Variants in GLIS1 observed in about 807,000 individuals in gnomAD.
The protein encoded by GLIS1 is zinc finger protein GLIS1.
A neutral mutation model predicts 63.8 loss-of-function variants in GLIS1; 24 were observed. The observed-to-expected ratio is 0.38, with a 90% confidence interval of 0.27 to 0.53. The LOEUF (loss-of-function observed/expected upper bound fraction) is 0.53. Among genes scored for constraint, GLIS1 ranks in the 20% least tolerant of loss-of-function variants. The pLI is 0.85. For synonymous variants in GLIS1, 450 were observed against 482.5 expected, an observed-to-expected ratio of 0.93 and a Z score of 0.88; for missense variants, 1,036 against 1,074.1, an observed-to-expected ratio of 0.96 and a Z score of 0.50.
At chr1:53,524,338 T>C (rs916840274) in intron 6 of GLIS1, among the ~76,000 whole-genome samples, 1 of 152,236 alleles carries the variant, frequency 6.6e-6, no homozygotes, top group African/African-American at 2.4e-5. Context: ...TGCCCTGACT[T>C]TTCTCTGCAC....
intron 2 of GLIS1, among the ~76,000 whole-genome samples, chr1:53,706,989 T>G (rs1349775189): frequency 6.6e-6 from 1 of 152,176 alleles, no homozygotes; most frequent in Non-Finnish European, 1.5e-5. Context: ...AAAACCTAGA[T>G]TTCTCCTATG....
chr1:53,526,640 C>T lies in GLIS1; in HGVS notation c.1483-1753G>A, dbSNP rs1057254905. ...GCGTTCACATGTGCCCAGGCACACA[C>T]ACGGCCCTGCCCTGTCCCTGAGCCG... On this transcript the variant is annotated intron_variant, in intron 5 of 10. Coordinates refer to ENST00000628545, the MANE Select transcript of GLIS1 (RefSeq NM_001367484.1). This position sits in a 1 kb window ranked among gnomAD's most constrained non-coding sequence, Gnocchi z 4.4. Among the ~76,000 whole-genome samples the T allele has an allele frequency of 7.9e-5, 12 of 152,268 alleles. No individual in the cohort carries two copies. The highest frequency in any genetic ancestry group is 4.4e-5 in the Non-Finnish European group (3 of 68,050).
At chr1:53,705,260 T>C (rs1646566871) in intron 2 of GLIS1, among the ~76,000 whole-genome samples, 1 of 152,154 alleles carries the variant, frequency 6.6e-6, no homozygotes, top group African/African-American at 2.4e-5. Flanking sequence ...GGGTACCTCC[T>C]GGCGAGCGGC....
intron 2 of GLIS1, among the ~76,000 whole-genome samples, chr1:53,695,684 A>G (rs1334899603): frequency 2.6e-5 from 4 of 152,196 alleles, no homozygotes; most frequent in Non-Finnish European, 4.4e-5. Context: ...AAGAGCTTGG[A>G]GCCCAGAGCC....
At chr1:53,578,354 A>T (rs532897257) in intron 4 of GLIS1, among the ~76,000 whole-genome samples, 1 of 152,316 alleles carries the variant, frequency 6.6e-6, no homozygotes, top group East Asian at 1.9e-4. Flanking sequence ...CTTCACTACC[A>T]GTGTTTACTT....
chr1:53,687,710 T>C (rs536346595), intron 2 of GLIS1, among the ~76,000 whole-genome samples: 1 of 152,286 alleles, frequency 6.6e-6, no homozygotes, highest in South Asian at 2.1e-4. Flanking sequence ...TCTAGCCACC[T>C]CCTTCACGAA....
chr1:53,738,663 G>A (rs1646937188), intron 1 of GLIS1, among the ~76,000 whole-genome samples: 1 of 152,174 alleles, frequency 6.6e-6, no homozygotes, highest in Non-Finnish European at 1.5e-5. Context: ...GAAAACAGGA[G>A]TCCCAAGCTG....
chr1:53,718,470 G>A (rs1047374353), intron 2 of GLIS1, among the ~76,000 whole-genome samples: 4 of 151,830 alleles, frequency 2.6e-5, no homozygotes, highest in African/African-American at 9.7e-5. Context: ...ATAAAACTAA[G>A]CAAATGAAAA....
intron 1 of GLIS1, among the ~76,000 whole-genome samples, chr1:53,738,432 G>T (rs1227864132): frequency 6.6e-6 from 1 of 152,300 alleles, no homozygotes; most frequent in South Asian, 2.1e-4. Flanking sequence ...GCCTGGAGCG[G>T]GTAAGGCGCC....
At chr1:53,663,890 G>C (rs1272175136) in intron 2 of GLIS1, among the ~76,000 whole-genome samples, 1 of 152,208 alleles carries the variant, frequency 6.6e-6, no homozygotes, top group Non-Finnish European at 1.5e-5. Context: ...CTCAGAAAAG[G>C]CTCCTCTGAT....
intron 3 of GLIS1, among the ~76,000 whole-genome samples, chr1:53,597,616 A>G (rs1343372233): frequency 6.6e-6 from 1 of 152,070 alleles, no homozygotes; most frequent in Non-Finnish European, 1.5e-5. Flanking sequence ...TGGGAGGGGC[A>G]GGCGCCGAGA....
Position 53,619,133 on chromosome 1 carries a change from T to C in GLIS1, c.260-18855A>G, listed in dbSNP as rs377114904. Among the ~76,000 whole-genome samples, 9 of 152,334 alleles carry C rather than the reference T, an allele frequency of 5.9e-5. 1 individual carries two copies. In the South Asian group the frequency reaches 1.5e-3, roughly 25 times the overall value. The stretch of plus-strand genomic sequence containing the variant: ...TCCTCTGGCCCCAGCATTTGGACTC[T>C]TCATGGTGGACAGGCCTGCCTGGTC... On this transcript the variant is annotated intron_variant, in intron 2 of 10. Transcript: ENST00000628545.
intron 4 of GLIS1, among the ~76,000 whole-genome samples, chr1:53,561,819 G>A (rs2100441411): frequency 6.6e-6 from 1 of 152,296 alleles, no homozygotes; most frequent in African/African-American, 2.4e-5. Context: ...CCGGCAAACA[G>A]GGCAGGTCCA....
chr1:53,699,903 T>C (rs1020397499), intron 2 of GLIS1, among the ~76,000 whole-genome samples: 1 of 152,086 alleles, frequency 6.6e-6, no homozygotes, highest in South Asian at 2.1e-4. Flanking sequence ...AAAGGCCCCA[T>C]CTCCAAATGC....
chr1:53,530,711 CCT>C (rs1382785945), intron 4 of GLIS1, among the ~76,000 whole-genome samples: 1 of 152,274 alleles, frequency 6.6e-6, no homozygotes, highest in Admixed American at 6.5e-5. Flanking sequence ...AGGAGTGTCC[CCT>C]CTTTCACAGC....
intron 2 of GLIS1, among the ~76,000 whole-genome samples, chr1:53,654,289 A>T (rs1438716217): frequency 6.6e-6 from 1 of 152,190 alleles, no homozygotes; most frequent in African/African-American, 2.4e-5. Flanking sequence ...CACTATCTCT[A>T]CTATTCGTGT....
At chr1:53,674,886 A>C (rs1198433178) in intron 2 of GLIS1, among the ~76,000 whole-genome samples, 1 of 152,154 alleles carries the variant, frequency 6.6e-6, no homozygotes, top group Non-Finnish European at 1.5e-5. Context: ...TCATTCAGGC[A>C]GTGCGGGATG....
At chr1:53,675,381 G>T (rs1646200285) in intron 2 of GLIS1, among the ~76,000 whole-genome samples, 1 of 152,134 alleles carries the variant, frequency 6.6e-6, no homozygotes, top group Non-Finnish European at 1.5e-5. Flanking sequence ...CTCAAGCAGG[G>T]TCTGATGGTG....
chr1:53,552,138 A>G (rs939122889), intron 4 of GLIS1, among the ~76,000 whole-genome samples: 1 of 152,094 alleles, frequency 6.6e-6, no homozygotes, highest in Non-Finnish European at 1.5e-5. Flanking sequence ...GATACATTCA[A>G]CCACACACAC....
Sources: allele counts gnomAD v4.1 joint callset (sites outside exome capture counted in the v4.1 genomes callset), GRCh38; gene constraint gnomAD v4.1.1; non-coding constraint Gnocchi (gnomAD v3.1); transcripts MANE v1.5; gene names NCBI Gene and HGNC (gene_info 2026-07-23, HGNC 2026-07-21).